The following SCHIP1 variants were observed in gnomAD, a reference collection of about 807,000 sequenced individuals.
SCHIP1 encodes schwannomin interacting protein 1, also known as schwannomin-interacting protein 1.
A neutral mutation model predicts 29.7 loss-of-function variants in SCHIP1; 8 were observed. That is an observed-to-expected ratio of 0.27 (90% CI 0.16 to 0.49). The LOEUF (loss-of-function observed/expected upper bound fraction) is 0.49, where lower values mean the gene tolerates loss of function less well. Among genes scored for constraint, SCHIP1 ranks in the 20% least tolerant of loss-of-function variants. The probability of loss-of-function intolerance (pLI) is 0.99; values close to 1 mark genes in which losing one functional copy is unlikely to be tolerated. For synonymous variants in SCHIP1, 76 were observed against 94.9 expected (o/e 0.80, Z 1.16); for missense variants, 193 against 294.6 (o/e 0.66, Z 2.52).
the SCHIP1 span, among the ~76,000 whole-genome samples, chr3:159,297,610 A>T: frequency 9.1e-3 from 1,378 of 151,542 alleles, 18 homozygotes; most frequent in African/African-American, 0.03. Flanking sequence ...ATGTTTTTTT[A>T]AAAAAAAGAT....
At chr3:159,348,646 G>A in the SCHIP1 span, among the ~76,000 whole-genome samples, 1 of 152,114 alleles carries the variant, frequency 6.6e-6, no homozygotes, top group Non-Finnish European at 1.5e-5. Context: ...ATGCCAGGAA[G>A]AATTCCACAA....
chr3:159,640,216 C>T, the SCHIP1 span, among the ~76,000 whole-genome samples: 2 of 152,090 alleles, frequency 1.3e-5, no homozygotes, highest in Non-Finnish European at 2.9e-5. Flanking sequence ...TTTGTGCAGG[C>T]CCGTCTGCTC....
the SCHIP1 span, among the ~76,000 whole-genome samples, chr3:159,441,404 A>C: frequency 1.3e-5 from 2 of 152,140 alleles, no homozygotes; most frequent in African/African-American, 4.8e-5. Context: ...AAGCACTGTC[A>C]TCCTCATTTT....
chr3:159,277,643 C>G, the SCHIP1 span, among the ~76,000 whole-genome samples: 1 of 144,324 alleles, frequency 6.9e-6, no homozygotes, highest in African/African-American at 2.4e-5. Context: ...TATTTACAGG[C>G]TGGTGCAGTG....
At chr3:159,472,759 A>T in the SCHIP1 span, among the ~76,000 whole-genome samples, 2 of 152,286 alleles carry the variant, frequency 1.3e-5, no homozygotes, top group East Asian at 3.9e-4. Context: ...TGTAAAACTT[A>T]AGGAGCCACC....
the SCHIP1 span, among the ~76,000 whole-genome samples, chr3:159,624,949 C>T: frequency 6.6e-6 from 1 of 152,124 alleles, no homozygotes; most frequent in Non-Finnish European, 1.5e-5. Flanking sequence ...TGAAAGTTTG[C>T]AATGCACTTG....
At chr3:159,566,943 A>T in the SCHIP1 span, among the ~76,000 whole-genome samples, 1 of 152,346 alleles carries the variant, frequency 6.6e-6, no homozygotes, top group East Asian at 1.9e-4. Flanking sequence ...TCACACTTTT[A>T]TCAGCTTTTG....
At chr3:159,318,995 G>T in the SCHIP1 span, among the ~76,000 whole-genome samples, 6 of 152,178 alleles carry the variant, frequency 3.9e-5, no homozygotes, top group Non-Finnish European at 5.9e-5. Context: ...AGAGGCCTCT[G>T]CTGTGATTAA....
At chr3:159,582,280 C>T in the SCHIP1 span, among the ~76,000 whole-genome samples, 1 of 152,074 alleles carries the variant, frequency 6.6e-6, no homozygotes, top group South Asian at 2.1e-4. Context: ...AAGAAATCTC[C>T]CACCTCCTGA....
the SCHIP1 span, among the ~76,000 whole-genome samples, chr3:159,318,127 C>T: frequency 3.9e-5 from 6 of 152,260 alleles, no homozygotes; most frequent in African/African-American, 1.4e-4. Context: ...TCCATTGGGT[C>T]ATGACAGGAG....
At chr3:159,616,847 G>A in the SCHIP1 span, among the ~76,000 whole-genome samples, 1 of 152,080 alleles carries the variant, frequency 6.6e-6, no homozygotes. Context: ...CCGCCATCTA[G>A]ATCTGCATTG....
chr3:159,339,951 A>C, the SCHIP1 span, among the ~76,000 whole-genome samples: 1 of 152,174 alleles, frequency 6.6e-6, no homozygotes, highest in African/African-American at 2.4e-5. Flanking sequence ...TGAGAAAGGT[A>C]GTAATTCTAA....
At chr3:159,626,223 T>C in the SCHIP1 span, among the ~76,000 whole-genome samples, 1 of 116,258 alleles carries the variant, frequency 8.6e-6, no homozygotes, top group Non-Finnish European at 1.6e-5. Context: ...TCTAGATATA[T>C]ATATATCTAG....
the SCHIP1 span, among the ~76,000 whole-genome samples, chr3:159,713,206 A>AG: frequency 1.1e-4 from 16 of 140,522 alleles, no homozygotes; most frequent in African/African-American, 4.1e-4. Context: ...GAAAGAAAGA[A>AG]AGAGAGAGAG....
chr3:159,680,606 TTATATATG>T, the SCHIP1 span, among the ~76,000 whole-genome samples: 1 of 98,634 alleles, frequency 1.0e-5, no homozygotes, highest in African/African-American at 4.4e-5. Context: ...ATAATATATA[TTATATATG>T]TATATATAAT....
the SCHIP1 span, among the ~76,000 whole-genome samples, chr3:159,595,687 A>G: frequency 6.6e-6 from 1 of 152,212 alleles, no homozygotes; most frequent in Non-Finnish European, 1.5e-5. Flanking sequence ...CTTAAACATA[A>G]AAAGATAAAC....
chr3:159,673,992 G>T, the SCHIP1 span, among the ~76,000 whole-genome samples: 1 of 152,120 alleles, frequency 6.6e-6, no homozygotes, highest in Non-Finnish European at 1.5e-5. Flanking sequence ...TTATGAAAGT[G>T]TTTACCCAAT....
chr3:159,572,932 TG>T, the SCHIP1 span, among the ~76,000 whole-genome samples: 10 of 124,928 alleles, frequency 8.0e-5, no homozygotes, highest in African/African-American at 3.2e-4. Flanking sequence ...TTGCAACCTC[TG>T]GTTTTTTTTT....
the SCHIP1 span, among the ~76,000 whole-genome samples, chr3:159,652,996 G>A: frequency 4.7e-4 from 71 of 152,038 alleles, no homozygotes; most frequent in African/African-American, 1.6e-3. Flanking sequence ...ATTGGTGGTC[G>A]ACAGAGGCCA....
Sources: allele counts gnomAD v4.1 joint callset (sites outside exome capture counted in the v4.1 genomes callset), GRCh38; gene constraint gnomAD v4.1.1; transcripts MANE v1.5; gene names NCBI Gene and HGNC (gene_info 2026-07-23, HGNC 2026-07-21).